Variants in CPA6 observed in about 807,000 individuals in gnomAD.
CPA6 encodes the protein carboxypeptidase B.
A neutral mutation model predicts 63.3 loss-of-function variants in CPA6; 58 were observed. The ratio of observed to expected loss-of-function variants is 0.92; its 90% CI spans 0.74 to 1.14. CPA6 has a LOEUF of 1.14. Ranked by LOEUF, CPA6 falls within the 50% of genes most tolerant of loss-of-function variation. CPA6 has a pLI of 0.00. For missense variants in CPA6, 565 were observed against 526.6 expected (o/e 1.07, Z -0.71); for synonymous variants, 185 against 179.0 (o/e 1.03, Z -0.27).
chr8:67,745,093 C>G (rs913366311), intron 1 of CPA6, among the ~76,000 whole-genome samples: 1 of 152,076 alleles, frequency 6.6e-6, no homozygotes, highest in Non-Finnish European at 1.5e-5. Flanking sequence ...ACTACCTTGT[C>G]ATGATCCAGA....
chr8:67,629,065 A>C (rs571718126), intron 1 of CPA6, among the ~76,000 whole-genome samples: 1 of 152,276 alleles, frequency 6.6e-6, no homozygotes, highest in South Asian at 2.1e-4. Flanking sequence ...CAGTGAGCTG[A>C]GATCATGCCA....
At chr8:67,528,752 T>C (rs1457654573) in intron 2 of CPA6, among the ~76,000 whole-genome samples, 2 of 152,016 alleles carry the variant, frequency 1.3e-5, no homozygotes, top group Non-Finnish European at 2.9e-5. Context: ...GGTAAAATAT[T>C]TTTGATCCAC....
intron 1 of CPA6, among the ~76,000 whole-genome samples, chr8:67,712,334 C>G (rs545005092): frequency 6.6e-6 from 1 of 152,120 alleles, no homozygotes; most frequent in Non-Finnish European, 1.5e-5. Flanking sequence ...AACTGCTAGC[C>G]GTACTGGGGT....
chr8:67,502,150 T>G (rs1811841522), intron 6 of CPA6, among the ~76,000 whole-genome samples: 1 of 152,170 alleles, frequency 6.6e-6, no homozygotes. Flanking sequence ...ATGCTAGAGC[T>G]TTGTCAATTT....
At chr8:67,698,452 G>A (rs1427183690) in intron 1 of CPA6, among the ~76,000 whole-genome samples, 1 of 152,080 alleles carries the variant, frequency 6.6e-6, no homozygotes, top group Non-Finnish European at 1.5e-5. Context: ...TATTCCAATT[G>A]GGATCCTCCA....
At chr8:67,534,051 A>C (rs1379932331) in intron 2 of CPA6, among the ~76,000 whole-genome samples, 1 of 152,170 alleles carries the variant, frequency 6.6e-6, no homozygotes, top group East Asian at 1.9e-4. Context: ...CAGGGACCAG[A>C]AGAGAACAGA....
At chr8:67,461,790 C>G (rs925348936) in intron 8 of CPA6, among the ~76,000 whole-genome samples, 1 of 152,124 alleles carries the variant, frequency 6.6e-6, no homozygotes, top group Non-Finnish European at 1.5e-5. Flanking sequence ...CCTCACCTCC[C>G]GGACGGGGCG....
intron 1 of CPA6, among the ~76,000 whole-genome samples, chr8:67,651,524 T>C (rs949759572): frequency 6.6e-6 from 1 of 152,114 alleles, no homozygotes; most frequent in Admixed American, 6.5e-5. Flanking sequence ...TAGGGCTTCA[T>C]GATTTTTTGT....
intron 8 of CPA6, 75 bp from the exon 9 acceptor site, chr8:67,434,315 G>C (rs1241300003): frequency 8.6e-7 from 1 of 1,168,868 alleles, no homozygotes; most frequent in Non-Finnish European, 1.2e-6. Context: ...GCACTGTTAA[G>C]CTGTGATTTT....
chr8:67,735,368 G>A (rs1226666788), intron 1 of CPA6: 2 of 152,200 alleles, frequency 1.3e-5, no homozygotes, highest in Admixed American at 6.5e-5. Flanking sequence ...AAGTGTTTGT[G>A]GAATGAGGAA....
intron 8 of CPA6, among the ~76,000 whole-genome samples, chr8:67,459,554 G>A (rs1810754603): frequency 6.6e-6 from 1 of 152,186 alleles, no homozygotes; most frequent in Admixed American, 6.5e-5. Context: ...ATGACATTCT[G>A]GAAAAGGCAA....
intron 1 of CPA6, among the ~76,000 whole-genome samples, chr8:67,652,314 C>T (rs1277217895): frequency 2.6e-5 from 4 of 152,318 alleles, no homozygotes; most frequent in African/African-American, 9.6e-5. Flanking sequence ...TGAGGAATCG[C>T]CACACTGACT....
chr8:67,430,174 T>C (rs1217222350), intron 9 of CPA6, among the ~76,000 whole-genome samples: 3 of 129,688 alleles, frequency 2.3e-5, no homozygotes, highest in Non-Finnish European at 4.7e-5. Flanking sequence ...TGTGTGTGTA[T>C]ATATTTTGTT....
chr8:67,637,645 T>C (rs190322158), intron 1 of CPA6, among the ~76,000 whole-genome samples: 1 of 151,648 alleles, frequency 6.6e-6, no homozygotes, highest in Non-Finnish European at 1.5e-5. Context: ...GGGAAAATTT[T>C]TCAAAGATGT....
intron 2 of CPA6, among the ~76,000 whole-genome samples, chr8:67,551,621 G>C (rs1299758945): frequency 6.6e-6 from 1 of 152,108 alleles, no homozygotes; most frequent in African/African-American, 2.4e-5. Context: ...CAGTGTGGCT[G>C]TTTTAATGAT....
chr8:67,543,258 T>G (rs958754737), intron 2 of CPA6, among the ~76,000 whole-genome samples: 1 of 152,380 alleles, frequency 6.6e-6, no homozygotes. Flanking sequence ...CTATTTCAAG[T>G]CACTTATGTT....
At chr8:67,613,089 A>G (rs1270966974) in intron 2 of CPA6, among the ~76,000 whole-genome samples, 1 of 152,240 alleles carries the variant, frequency 6.6e-6, no homozygotes, top group Non-Finnish European at 1.5e-5. Flanking sequence ...TTTATCATCA[A>G]GCTATTACAG....
intron 1 of CPA6, among the ~76,000 whole-genome samples, chr8:67,636,358 C>T (rs1815469017): frequency 6.6e-6 from 1 of 151,470 alleles, no homozygotes; most frequent in Non-Finnish European, 1.5e-5. Flanking sequence ...TTGTATAATA[C>T]ATTTTAAAAT....
intron 1 of CPA6, among the ~76,000 whole-genome samples, chr8:67,647,637 A>G (rs562981878): frequency 7.2e-5 from 11 of 152,336 alleles, no homozygotes; most frequent in Admixed American, 3.9e-4. Context: ...GAATGTAATG[A>G]AATTGTTCTC....
Sources: gnomAD v4.1 joint callset for allele counts (sites outside exome capture counted in the v4.1 genomes callset) on GRCh38, gnomAD v4.1.1 for gene constraint, MANE v1.5 for transcripts, NCBI Gene and HGNC (gene_info 2026-07-23, HGNC 2026-07-21) for gene names.